IDO2: variants seen among roughly 807,000 people sequenced by gnomAD.
The protein encoded by IDO2 is indoleamine 2,3-dioxygenase-like 1 protein.
Under a neutral mutation model 45.1 loss-of-function variants are expected in IDO2, and 46 were observed. The ratio of observed to expected loss-of-function variants is 1.02; its 90% CI spans 0.80 to 1.30. IDO2 has a LOEUF of 1.30. Among genes scored for constraint, IDO2 ranks in the 50% most tolerant of loss-of-function variants. IDO2 has a pLI of 0.00. For synonymous variants in IDO2, 218 were observed against 184.9 expected, an observed-to-expected ratio of 1.18 and a Z score of -1.45; for missense variants, 544 against 491.8, an observed-to-expected ratio of 1.11 and a Z score of -1.00.
intron 3 of IDO2, among the ~76,000 whole-genome samples, chr8:39,978,348 G>C (rs1323171182): frequency 1.3e-5 from 2 of 152,236 alleles, no homozygotes; most frequent in African/African-American, 4.8e-5. Context: ...GGGGCGAGGG[G>C]AAGAGGCGAG....
intron 1 of IDO2, among the ~76,000 whole-genome samples, chr8:39,938,597 A>G (rs2129592865): frequency 6.6e-6 from 1 of 152,282 alleles, no homozygotes; most frequent in Non-Finnish European, 1.5e-5. Flanking sequence ...TCTATATCAC[A>G]TATCAATATT....
At chr8:40,011,033 C>T (rs1049284090) in intron 9 of IDO2, among the ~76,000 whole-genome samples, 1 of 152,174 alleles carries the variant, frequency 6.6e-6, no homozygotes, top group African/African-American at 2.4e-5. Context: ...GCCTCAGCCT[C>T]CCGAGTAGCT....
intron 3 of IDO2, among the ~76,000 whole-genome samples, chr8:39,969,314 A>T (rs936673486): frequency 6.6e-6 from 1 of 151,870 alleles, no homozygotes; most frequent in Non-Finnish European, 1.5e-5. Flanking sequence ...CATCTGTTAC[A>T]GTGATCTGTG....
chr8:39,970,077 G>T (rs1482467609), intron 3 of IDO2, among the ~76,000 whole-genome samples: 8 of 152,200 alleles, frequency 5.3e-5, no homozygotes. Context: ...CTTATTGCTG[G>T]TATAGAGGAA....
exon 11 of IDO2, chr8:40,015,777 G>T: frequency 1.7e-6 from 1 of 595,996 alleles, no homozygotes; most frequent in Non-Finnish European, 3.0e-6. Flanking sequence ...ACAAAGGAGA[G>T]TTGATGTGGC....
chr8:39,985,093 G>A (rs1445690974), intron 5 of IDO2: 8 of 303,040 alleles, frequency 2.6e-5, no homozygotes, highest in South Asian at 8.7e-5. Context: ...CACCACACCC[G>A]ACTAATTTTT....
At chr8:39,990,026 G>A (rs1168477634) in intron 8 of IDO2, among the ~76,000 whole-genome samples, 188 bp downstream of exon 8, 1 of 152,176 alleles carries the variant, frequency 6.6e-6, no homozygotes, top group Non-Finnish European at 1.5e-5. Flanking sequence ...TCACAGCTTT[G>A]TATTCTCCCT....
chr8:39,949,094 C>T (rs373351846), intron 1 of IDO2, 55 bp from the exon 2 acceptor site: 2 of 1,551,424 alleles, frequency 1.3e-6, no homozygotes, highest in African/African-American at 2.7e-5. Flanking sequence ...AGGATGGAAC[C>T]TGGGTGTTTA....
chr8:39,950,011 C>G (rs1352791633), intron 2 of IDO2, among the ~76,000 whole-genome samples: 1 of 151,896 alleles, frequency 6.6e-6, no homozygotes, highest in Non-Finnish European at 1.5e-5. Context: ...CTGGTGTGGT[C>G]CAAGGCCTAG....
At chr8:39,950,799 G>C (rs1165366540) in intron 2 of IDO2, among the ~76,000 whole-genome samples, 1 of 152,158 alleles carries the variant, frequency 6.6e-6, no homozygotes, top group African/African-American at 2.4e-5. Context: ...CCCAGGGATA[G>C]TTAAGGAAAC....
chr8:40,003,819 G>A (rs1225849997), intron 8 of IDO2, among the ~76,000 whole-genome samples: 1 of 152,110 alleles, frequency 6.6e-6, no homozygotes, highest in Non-Finnish European at 1.5e-5. Context: ...TTTGAAAAAA[G>A]ATTGCTTTTA....
At chr8:39,979,016 C>A in intron 3 of IDO2, 51 bp from the exon 4 acceptor site, 1 of 1,547,352 alleles carries the variant, frequency 6.5e-7, no homozygotes, top group Non-Finnish European at 8.7e-7. Flanking sequence ...GTTACCTCCC[C>A]TGTCCCGGTT....
At chr8:39,945,473 C>CT (rs1487322279) in intron 1 of IDO2, among the ~76,000 whole-genome samples, 4 of 152,222 alleles carry the variant, frequency 2.6e-5, no homozygotes, top group African/African-American at 9.6e-5. Context: ...GCCAGAACCA[C>CT]TGCATGTTTG....
intron 3 of IDO2, among the ~76,000 whole-genome samples, chr8:39,968,167 G>A (rs192591316): frequency 2.8e-4 from 43 of 152,232 alleles, no homozygotes; most frequent in Non-Finnish European, 4.4e-4. Context: ...ATTGTGGGAT[G>A]GATAGTGGAA....
At chr8:40,009,829 C>T (rs1266667177) in intron 9 of IDO2, among the ~76,000 whole-genome samples, 3 of 152,148 alleles carry the variant, frequency 2.0e-5, no homozygotes, top group Admixed American at 6.6e-5. Flanking sequence ...CATTGGATGG[C>T]TCTTTTAAGT....
chr8:40,004,899 C>T (rs1802197506), intron 8 of IDO2, among the ~76,000 whole-genome samples: 1 of 152,216 alleles, frequency 6.6e-6, no homozygotes, highest in African/African-American at 2.4e-5. Context: ...GTATCCTTCA[C>T]TGAATATTCA....
At chr8:39,944,440 C>T (rs1175183751) in intron 1 of IDO2, among the ~76,000 whole-genome samples, 1 of 152,116 alleles carries the variant, frequency 6.6e-6, no homozygotes, top group East Asian at 1.9e-4. Context: ...TTGTTTCCAC[C>T]TGAATTGACT....
At chr8:39,950,214 G>A (rs1807792568) in intron 2 of IDO2, among the ~76,000 whole-genome samples, 1 of 152,006 alleles carries the variant, frequency 6.6e-6, no homozygotes, top group Non-Finnish European at 1.5e-5. Flanking sequence ...CTAAATGAGG[G>A]CCAAGGCCAC....
intron 1 of IDO2, among the ~76,000 whole-genome samples, chr8:39,946,317 A>T (rs1364386926): frequency 6.6e-6 from 1 of 152,208 alleles, no homozygotes; most frequent in Non-Finnish European, 1.5e-5. Context: ...GTTGTCCTTA[A>T]AAACTCTGCT....
Sources: gnomAD v4.1 joint callset for allele counts (sites outside exome capture counted in the v4.1 genomes callset) on GRCh38, gnomAD v4.1.1 for gene constraint, MANE v1.5 for transcripts, NCBI Gene and HGNC (gene_info 2026-07-23, HGNC 2026-07-21) for gene names.